TMTC4: variants seen among roughly 807,000 people sequenced by gnomAD.
TMTC4 encodes transmembrane O-mannosyltransferase targeting cadherins 4.
A neutral mutation model predicts 86.0 loss-of-function variants in TMTC4; 65 were observed. The observed-to-expected ratio is 0.76, with a 90% CI of 0.62 to 0.93. The LOEUF is 0.93. TMTC4 is among the 40% of genes least tolerant of loss of function. The pLI, the probability that TMTC4 is intolerant of heterozygous loss-of-function variation, is 0.00. For missense variants in TMTC4, 866 were observed against 948.1 expected (o/e 0.91, Z 1.14); for synonymous variants, 379 against 382.5 (o/e 0.99, Z 0.11).
intron 6 of TMTC4, 45 bp from the exon 7 acceptor site, chr13:100,642,356 G>A (rs372978832): frequency 1.9e-6 from 3 of 1,601,728 alleles, no homozygotes; most frequent in Admixed American, 1.7e-5. Context: ...ATGGAATGCA[G>A]CTCAGTTTTT....
At position 100,631,915 on chromosome 13, in the gene TMTC4, T is replaced by C. The variant is rs577464582; in HGVS notation, c.1506+2890A>G. Among the ~76,000 whole-genome samples the C allele has an allele frequency of 5.3e-5, 8 of 152,244 alleles. No individual in the cohort carries two copies. The East Asian group carries it at 1.5e-3, about 29-fold the overall frequency. On this transcript the variant is annotated intron_variant, in intron 12 of 18. Coordinates refer to ENST00000342624, the MANE Select transcript of TMTC4 (RefSeq NM_032813.5). ...CCCAAAAATCTCAATCTTGCTTATA[T>C]TGAATAGAATCATTGAAAAATGTTC...
In TMTC4 at chr13:100,645,650, G is replaced by A. The variant is rs575967949; in HGVS notation, c.641-3339C>T. 2.6e-5 allele frequency among the ~76,000 whole-genome samples: 4 copies of A among 152,216 alleles called. No individual in the cohort carries two copies. The East Asian group carries it at 7.7e-4, about 29-fold the overall frequency. On this transcript the variant is annotated intron_variant, in intron 6 of 18. Coordinates refer to ENST00000342624, the MANE Select transcript of TMTC4 (RefSeq NM_032813.5). ...AAGTCCCTGACTGCCGCTGTGAGGT[G>A]AGCCTTGTTCACTGACTGCCCCCGT...
intron 6 of TMTC4, among the ~76,000 whole-genome samples, chr13:100,651,196 G>T (rs1884389594): frequency 6.6e-6 from 1 of 152,114 alleles, no homozygotes; most frequent in South Asian, 2.1e-4. Context: ...GTATTTTAAG[G>T]TATCAGTTTA....
intron 17 of TMTC4, among the ~76,000 whole-genome samples, chr13:100,608,050 G>A (rs546517716): frequency 1.4e-4 from 22 of 151,926 alleles, no homozygotes; most frequent in African/African-American, 5.1e-4. Flanking sequence ...TGAGACATAG[G>A]AAGGCCAGGG....
At chr13:100,609,602 A>G (rs1179151861) in intron 17 of TMTC4, among the ~76,000 whole-genome samples, 1 of 152,132 alleles carries the variant, frequency 6.6e-6, no homozygotes, top group African/African-American at 2.4e-5. Flanking sequence ...AATGGCAAGA[A>G]GTAATATAAA....
Position 100,610,811 on chromosome 13 carries a change from T to C in TMTC4, c.2064+1587A>G, listed in dbSNP as rs550106590. Among the ~76,000 whole-genome samples the C allele has an allele frequency of 1.3e-4, 20 of 152,344 alleles. No homozygotes were observed. In the South Asian group the frequency reaches 4.1e-3, roughly 32 times the overall value. ...GCCAAGTCTTCAAGAAGACTCGCTG[T>C]AGCTGGGTCACTGGAGGAGAACTGA... is the stretch of plus-strand genomic sequence containing the variant. On this transcript the variant is annotated intron_variant, in intron 17 of 18. Coordinates refer to ENST00000342624, the MANE Select transcript of TMTC4 (RefSeq NM_032813.5).
chr13:100,673,180 T>G, intron 1 of TMTC4: 1 of 243,308 alleles, frequency 4.1e-6, no homozygotes, highest in Non-Finnish European at 6.6e-6. Context: ...AAATTAATCA[T>G]CAGTGAGAAG....
intron 10 of TMTC4, among the ~76,000 whole-genome samples, chr13:100,635,986 T>G (rs1192982473): frequency 6.6e-6 from 1 of 152,218 alleles, no homozygotes; most frequent in African/African-American, 2.4e-5. Context: ...CTAATCTAAT[T>G]CCATAAACAC....
chr13:100,637,234 C>G (rs1882362579), intron 9 of TMTC4, among the ~76,000 whole-genome samples: 1 of 152,018 alleles, frequency 6.6e-6, no homozygotes, highest in South Asian at 2.1e-4. Context: ...TAGCCTTAAC[C>G]CAGCCACAGG....
chr13:100,654,884 C>G (rs1310814042), intron 6 of TMTC4, among the ~76,000 whole-genome samples: 1 of 152,124 alleles, frequency 6.6e-6, no homozygotes, highest in Non-Finnish European at 1.5e-5. Flanking sequence ...AAAAATCACT[C>G]TGATGTCTTT....
At chr13:100,615,419 G>A (rs1878324833) in intron 15 of TMTC4, among the ~76,000 whole-genome samples, 1 of 151,358 alleles carries the variant, frequency 6.6e-6, no homozygotes, top group African/African-American at 2.4e-5. Context: ...GGGATTACAG[G>A]CGTGAGCCAC....
intron 6 of TMTC4, among the ~76,000 whole-genome samples, chr13:100,655,259 G>A (rs1884957982): frequency 6.6e-6 from 1 of 152,090 alleles, no homozygotes; most frequent in African/African-American, 2.4e-5. Flanking sequence ...CTGACCTCAA[G>A]TGATCTGCTC....
chr13:100,633,521 T>C (rs951968077), intron 12 of TMTC4, among the ~76,000 whole-genome samples: 34 of 152,222 alleles, frequency 2.2e-4, no homozygotes, highest in African/African-American at 7.5e-4. Flanking sequence ...AGAGCTTGGA[T>C]TCATCAAGAA....
chr13:100,674,946 C>T (rs1887684046), upstream of TMTC4: 2 of 985,566 alleles, frequency 2.0e-6, no homozygotes, highest in Non-Finnish European at 2.4e-6. Flanking sequence ...CGACCATTGG[C>T]TGCTGCTCCC....
intron 6 of TMTC4, 90 bp from the exon 7 acceptor site, chr13:100,642,401 T>A: frequency 7.2e-7 from 1 of 1,397,502 alleles, no homozygotes; most frequent in Non-Finnish European, 1.0e-6. Context: ...GCAAATACCT[T>A]AAACAACCAT....
At chr13:100,669,650 C>G (rs1886830148) in intron 2 of TMTC4, among the ~76,000 whole-genome samples, 1 of 152,198 alleles carries the variant, frequency 6.6e-6, no homozygotes. Flanking sequence ...CCCCTTTCCT[C>G]TCTGAGCCCA....
intron 8 of TMTC4, 85 bp downstream of exon 8, chr13:100,637,845 C>G: frequency 2.0e-6 from 3 of 1,535,974 alleles, no homozygotes; most frequent in Admixed American, 3.7e-5. Context: ...TTCAAAATCA[C>G]AAGGAATATT....
At chr13:100,669,106 T>C (rs561567033) in intron 2 of TMTC4, among the ~76,000 whole-genome samples, 8 of 152,312 alleles carry the variant, frequency 5.3e-5, no homozygotes, top group African/African-American at 1.9e-4. Context: ...TTTTTAATCG[T>C]CCTTGAACCA....
At chr13:100,612,320 C>T in intron 17 of TMTC4, 78 bp downstream of exon 17, 3 of 1,136,576 alleles carry the variant, frequency 2.6e-6, no homozygotes, top group Non-Finnish European at 3.8e-6. Flanking sequence ...CCTAATTTAA[C>T]TGGGCAGAAG....
Sources: gnomAD v4.1 joint callset for allele counts (sites outside exome capture counted in the v4.1 genomes callset) on GRCh38, gnomAD v4.1.1 for gene constraint, MANE v1.5 for transcripts, NCBI Gene and HGNC (gene_info 2026-07-23, HGNC 2026-07-21) for gene names.